Variants in TNFRSF10A observed in about 807,000 individuals in gnomAD.
TNFRSF10A encodes the protein tumor necrosis factor receptor superfamily member 10A.
A neutral mutation model predicts 42.8 loss-of-function variants in TNFRSF10A; 44 were observed. That is an observed-to-expected ratio of 1.03 (90% confidence interval 0.81 to 1.32). TNFRSF10A has a LOEUF of 1.32. Ranked by LOEUF, TNFRSF10A falls within the 40% of genes most tolerant of loss-of-function variation. The pLI is 0.00. For synonymous variants in TNFRSF10A, 259 were observed against 234.2 expected (o/e 1.11, Z -0.97); for missense variants, 680 against 602.0 (o/e 1.13, Z -1.36).
At chr8:23,202,265 G>A (rs1340380750) in intron 3 of TNFRSF10A, among the ~76,000 whole-genome samples, 1 of 152,220 alleles carries the variant, frequency 6.6e-6, no homozygotes, top group Non-Finnish European at 1.5e-5. Flanking sequence ...AACCCAGCCT[G>A]CTGAGGAAGA....
At chr8:23,206,719 T>TA (rs148513200) in intron 2 of TNFRSF10A, among the ~76,000 whole-genome samples, 2,544 of 151,920 alleles carry the variant, frequency 0.017, 65 homozygotes, top group African/African-American at 0.057. Context: ...TATATAGAAA[T>TA]AAAAAAATTA....
intron 1 of TNFRSF10A, among the ~76,000 whole-genome samples, chr8:23,223,467 G>A (rs1240292947): frequency 6.6e-6 from 1 of 152,154 alleles, no homozygotes; most frequent in African/African-American, 2.4e-5. Flanking sequence ...ACATCCACCT[G>A]GAATCGCACT....
rs753703144 is a variant in TNFRSF10A at position 23,200,748 on chromosome 8, C to A, written c.642G>T (p.Gly214=). 19 of 1,613,734 alleles carry A rather than the reference C, an allele frequency of 1.2e-5. No homozygotes were observed. The highest frequency in any genetic ancestry group is 1.6e-5 in the Non-Finnish European group (19 of 1,179,928). Residue 214 remains glycine, a synonymous_variant, in exon 5 of 10, where the codon GGG becomes GGT. Transcript: ENST00000221132. The part of the protein sequence containing the change: ...CRKCSRGCPR[G]MVKVKDCTPW... ...GCGTACAATCCTTGACCTTGACCAT[C>A]CCTCTGGGGCACCTGGGTACACACA...
At chr8:23,220,805 C>G (rs139813266) in intron 1 of TNFRSF10A, among the ~76,000 whole-genome samples, 5 of 152,314 alleles carry the variant, frequency 3.3e-5, no homozygotes, top group African/African-American at 1.2e-4. Context: ...CCCTGTCACT[C>G]CTGGATACAG....
In TNFRSF10A at chr8:23,191,570, G is replaced by C; in HGVS notation, c.*124C>G. On this transcript the variant is annotated 3_prime_UTR_variant, in exon 10 of 10. Coordinates refer to ENST00000221132, the MANE Select transcript of TNFRSF10A (RefSeq NM_003844.4). ...CCGCCTCAGCCTCCCAAAGTGCTGG[G>C]ATTACAGGCATGAGCCACTACACCT... 8.0e-6 allele frequency: 11 copies of C among 1,374,188 alleles called. No individual in the cohort carries two copies. The highest frequency in any genetic ancestry group is 1.1e-5 in the Non-Finnish European group (11 of 1,045,938). 85.1% of individuals were successfully genotyped at this position (1,374,188 alleles called of 1,614,324 possible).
chr8:23,223,751 C>T (rs1451957931), intron 1 of TNFRSF10A, among the ~76,000 whole-genome samples: 1 of 152,206 alleles, frequency 6.6e-6, no homozygotes, highest in Non-Finnish European at 1.5e-5. Context: ...TTGGTAGAGC[C>T]TTAATGAACT....
intron 9 of TNFRSF10A, among the ~76,000 whole-genome samples, chr8:23,192,275 G>A (rs1800767421): frequency 6.6e-6 from 1 of 152,246 alleles, no homozygotes; most frequent in African/African-American, 2.4e-5. Context: ...ACCCACCTGG[G>A]GAGGATGGAT....
chr8:23,194,431 C>T (rs972568944), intron 9 of TNFRSF10A, among the ~76,000 whole-genome samples: 1 of 152,204 alleles, frequency 6.6e-6, no homozygotes, highest in Non-Finnish European at 1.5e-5. Flanking sequence ...ACATTTTTGT[C>T]TGGGCTTATA....
intron 2 of TNFRSF10A, 73 bp downstream of exon 2, chr8:23,212,043 G>T: frequency 1.5e-6 from 2 of 1,319,856 alleles, no homozygotes; most frequent in Non-Finnish European, 2.1e-6. Flanking sequence ...TGAATTTTGA[G>T]ATAATTTTTG....
At chr8:23,193,329 C>T (rs895922578) in intron 9 of TNFRSF10A, among the ~76,000 whole-genome samples, 5 of 152,210 alleles carry the variant, frequency 3.3e-5, no homozygotes, top group African/African-American at 9.6e-5. Context: ...GTTTCAGTCT[C>T]TCTCAGGTCC....
At chr8:23,220,386 T>G (rs528712557) in intron 1 of TNFRSF10A, among the ~76,000 whole-genome samples, 4 of 152,268 alleles carry the variant, frequency 2.6e-5, no homozygotes, top group African/African-American at 9.6e-5. Flanking sequence ...AAGTAGAAAT[T>G]GAGAAATTCT....
Position 23,192,012 on chromosome 8 carries a change from A to T in TNFRSF10A, c.1089T>A (p.Thr363=), listed in dbSNP as rs1800762356. Residue 363 remains threonine, a splice_region_variant and synonymous_variant, in exon 10 of 10, where the codon ACT becomes ACA. Coordinates refer to ENST00000221132, the MANE Select transcript of TNFRSF10A (RefSeq NM_003844.4). The part of the protein sequence containing the change: ...VPANGADPTE[T]LMLFFDKFAN... ...CAAACTTGTCAAAGAACAGCATCAGAGCTGGGTGGAGAAAGCCACAGAGAC... is the reference window on the plus strand; with the variant it reads ...CAAACTTGTCAAAGAACAGCATCAGTGCTGGGTGGAGAAAGCCACAGAGAC... The T allele has an allele frequency of 6.2e-7, 1 of 1,611,132 alleles. No individual in the cohort carries two copies. Among genetic ancestry groups the T allele is most frequent in the African/African-American group, 1.3e-5 (1 of 74,920 alleles).
chr8:23,207,461 C>T (rs1801031870), intron 2 of TNFRSF10A: 1 of 420,060 alleles, frequency 2.4e-6, no homozygotes, highest in African/African-American at 2.1e-5. Context: ...CTGAATGATA[C>T]CAACCATTTC....
At chr8:23,196,485 C>T (rs769494779) in intron 9 of TNFRSF10A, among the ~76,000 whole-genome samples, 3 of 152,154 alleles carry the variant, frequency 2.0e-5, no homozygotes, top group African/African-American at 4.8e-5. Context: ...CATAAGCCAC[C>T]GTGCCCGGCC....
chr8:23,210,121 A>G (rs978755447), intron 2 of TNFRSF10A, among the ~76,000 whole-genome samples: 5 of 152,174 alleles, frequency 3.3e-5, no homozygotes, highest in Admixed American at 3.3e-4. Context: ...GTAAGATGTG[A>G]CTTGCTCTTC....
intron 1 of TNFRSF10A, among the ~76,000 whole-genome samples, chr8:23,213,693 C>T (rs907781010): frequency 2.0e-5 from 3 of 152,076 alleles, no homozygotes; most frequent in South Asian, 4.1e-4. Flanking sequence ...ATCCGTCCAC[C>T]TCGGCCTCCC....
chr8:23,204,729 T>C (rs572081634), intron 2 of TNFRSF10A, among the ~76,000 whole-genome samples: 8 of 152,024 alleles, frequency 5.3e-5, no homozygotes, highest in African/African-American at 1.9e-4. Context: ...TGGAATAAAA[T>C]TAGAAATCAA....
chr8:23,195,628 A>G (rs1800812864), intron 9 of TNFRSF10A, among the ~76,000 whole-genome samples: 1 of 152,232 alleles, frequency 6.6e-6, no homozygotes, highest in Non-Finnish European at 1.5e-5. Flanking sequence ...CTATGTGGAC[A>G]GTGATTTTTG....
intron 2 of TNFRSF10A, among the ~76,000 whole-genome samples, chr8:23,204,632 C>T (rs1178005782): frequency 1.3e-5 from 2 of 152,076 alleles, no homozygotes; most frequent in Non-Finnish European, 2.9e-5. Flanking sequence ...GAACATTCTC[C>T]AAAATAAACC....
Sources: gnomAD v4.1 joint callset for allele counts (sites outside exome capture counted in the v4.1 genomes callset) on GRCh38, gnomAD v4.1.1 for gene constraint, MANE v1.5 for transcripts, NCBI Gene and HGNC (gene_info 2026-07-23, HGNC 2026-07-21) for gene names.